CCDC172: variants seen among roughly 807,000 people sequenced by gnomAD.
The protein encoded by CCDC172 is coiled-coil domain containing 172.
Under a neutral mutation model 38.0 loss-of-function variants are expected in CCDC172, and 30 were observed. The observed-to-expected ratio is 0.79, with a 90% CI of 0.59 to 1.07. The LOEUF (loss-of-function observed/expected upper bound fraction) is 1.07. Ranked by LOEUF, CCDC172 falls within the 50% of genes least tolerant of loss-of-function variation. The pLI is 0.00. For synonymous variants in CCDC172, 78 were observed against 88.3 expected (o/e 0.88, Z 0.66); for missense variants, 297 against 290.1 (o/e 1.02, Z -0.17).
At chr10:116,377,405 G>A (rs2134975366) in intron 7 of CCDC172, among the ~76,000 whole-genome samples, 1 of 152,198 alleles carries the variant, frequency 6.6e-6, no homozygotes, top group East Asian at 1.9e-4. Flanking sequence ...TCAAATGACA[G>A]TCTCTCATAA....
In CCDC172 at chr10:116,342,073, A is replaced by AATTT. The variant is rs759582063; in HGVS notation, c.324_327dup (p.Lys110TyrfsTer2). On this transcript the variant is annotated frameshift_variant, in exon 5 of 9. Transcript: ENST00000333254. LOFTEE classifies it high-confidence loss of function. ...AAACAAATGATAGAGGAGGAAGACA[A>AATTT]ATTTATTAAGGAAATTACAGACTTT... 1.3e-6 allele frequency: 2 copies of AATTT among 1,534,912 alleles called. No individual in the cohort carries two copies. Among genetic ancestry groups the AATTT allele is most frequent in the East Asian group, 4.9e-5 (2 of 40,682 alleles).
intron 4 of CCDC172, 73 bp from the exon 5 acceptor site, chr10:116,341,963 A>G (rs899229584): frequency 1.0e-6 from 1 of 999,892 alleles, no homozygotes; most frequent in South Asian, 3.0e-5. Flanking sequence ...CCAAATTATT[A>G]TATTTTAAAT....
At chr10:116,345,952 C>T (rs1844860950) in intron 5 of CCDC172, among the ~76,000 whole-genome samples, 1 of 152,114 alleles carries the variant, frequency 6.6e-6, no homozygotes, top group African/African-American at 2.4e-5. Context: ...CAATGAGATA[C>T]TCCAGAGAGA....
chr10:116,354,417 G>C (rs1293601453), intron 5 of CCDC172, among the ~76,000 whole-genome samples: 2 of 152,068 alleles, frequency 1.3e-5, no homozygotes, highest in African/African-American at 4.8e-5. Flanking sequence ...AGAAGGCATT[G>C]TTATCATAGA....
intron 7 of CCDC172, among the ~76,000 whole-genome samples, chr10:116,374,917 A>G (rs1214582148): frequency 6.6e-6 from 1 of 151,858 alleles, no homozygotes; most frequent in Non-Finnish European, 1.5e-5. Context: ...AATGGAAAGC[A>G]ATATCCTGTA....
intron 4 of CCDC172, among the ~76,000 whole-genome samples, 167 bp from the exon 5 acceptor site, chr10:116,341,869 T>A (rs1844798982): frequency 6.6e-6 from 1 of 151,784 alleles, no homozygotes; most frequent in Non-Finnish European, 1.5e-5. Flanking sequence ...ATAGCTTCAG[T>A]TTTTTATTAA....
At chr10:116,350,046 T>G (rs1328263927) in intron 5 of CCDC172, among the ~76,000 whole-genome samples, 1 of 152,150 alleles carries the variant, frequency 6.6e-6, no homozygotes, top group Non-Finnish European at 1.5e-5. Context: ...CTAATCATTT[T>G]TTGAGAAAGA....
At chr10:116,352,143 G>A (rs561697359) in intron 5 of CCDC172, among the ~76,000 whole-genome samples, 5 of 152,220 alleles carry the variant, frequency 3.3e-5, no homozygotes, top group Non-Finnish European at 5.9e-5. Flanking sequence ...AAACAGAAGA[G>A]TTCTGCCTTA....
chr10:116,343,551 G>T (rs1446317614), intron 5 of CCDC172, among the ~76,000 whole-genome samples: 1 of 144,390 alleles, frequency 6.9e-6, no homozygotes, highest in Non-Finnish European at 1.5e-5. Flanking sequence ...ATATATAAAA[G>T]ATAGCTTGCA....
intron 7 of CCDC172, among the ~76,000 whole-genome samples, chr10:116,370,301 T>C (rs1376720894): frequency 1.3e-5 from 2 of 152,000 alleles, no homozygotes; most frequent in Non-Finnish European, 2.9e-5. Context: ...TATTGATGCT[T>C]TCACTTTGAC....
intron 6 of CCDC172, 127 bp downstream of exon 6, chr10:116,357,608 A>G: frequency 1.1e-6 from 1 of 910,714 alleles, no homozygotes; most frequent in Non-Finnish European, 1.6e-6. Flanking sequence ...ATAAAAAAGA[A>G]ATAGATAAAA....
At chr10:116,373,321 G>A (rs1030103267) in intron 7 of CCDC172, among the ~76,000 whole-genome samples, 2 of 151,920 alleles carry the variant, frequency 1.3e-5, no homozygotes, top group African/African-American at 4.8e-5. Context: ...AAACATAAAG[G>A]CCCCTTTTTC....
intron 3 of CCDC172, among the ~76,000 whole-genome samples, chr10:116,336,032 T>C (rs1452067071): frequency 6.6e-6 from 1 of 151,952 alleles, no homozygotes; most frequent in African/African-American, 2.4e-5. Context: ...CCAGGCATGA[T>C]GGTGTGCCCC....
chr10:116,342,347 G>C, intron 5 of CCDC172, 146 bp downstream of exon 5: 1 of 579,278 alleles, frequency 1.7e-6, no homozygotes, highest in Non-Finnish European at 2.9e-6. Flanking sequence ...TAATGAAGAT[G>C]TATCTTCTAT....
intron 3 of CCDC172, among the ~76,000 whole-genome samples, chr10:116,327,300 G>A (rs989821340): frequency 2.6e-5 from 4 of 151,940 alleles, no homozygotes; most frequent in African/African-American, 2.4e-5. Context: ...AACATTTTTC[G>A]TCATGACATT....
At position 116,379,970 on chromosome 10, in the gene CCDC172, A is replaced by G. The variant is rs962349547; in HGVS notation, c.*612A>G. 6.6e-6 allele frequency: 1 copy of G among 152,174 alleles called. No individual in the cohort carries two copies. The highest frequency in any genetic ancestry group is 1.5e-5 in the Non-Finnish European group (1 of 68,108). 9.4% of individuals were successfully genotyped at this position (152,174 alleles called of 1,614,324 possible). ...GGCCTCCCTAGAAGCAGAAGTCACT[A>G]TGCTTCCTGTACAGCCTGCAGAACC... On this transcript the variant is annotated 3_prime_UTR_variant, in exon 9 of 9. Transcript: ENST00000333254.
At chr10:116,368,243 T>A (rs1364440204) in intron 7 of CCDC172, among the ~76,000 whole-genome samples, 1 of 152,142 alleles carries the variant, frequency 6.6e-6, no homozygotes, top group Non-Finnish European at 1.5e-5. Flanking sequence ...TGATACCTTG[T>A]ACATATCCTT....
At chr10:116,337,512 G>T (rs2134915654) in intron 3 of CCDC172, among the ~76,000 whole-genome samples, 1 of 152,156 alleles carries the variant, frequency 6.6e-6, no homozygotes, top group Middle Eastern at 3.4e-3. Context: ...AGATAGAAAT[G>T]AAAAAGAGAA....
At chr10:116,336,671 C>T (rs889710689) in intron 3 of CCDC172, among the ~76,000 whole-genome samples, 4 of 151,834 alleles carry the variant, frequency 2.6e-5, no homozygotes, top group East Asian at 1.9e-4. Flanking sequence ...AAATTTTCTA[C>T]GTAACTCTTA....
Sources: gnomAD v4.1 joint callset for allele counts (sites outside exome capture counted in the v4.1 genomes callset) on GRCh38, gnomAD v4.1.1 for gene constraint, MANE v1.5 for transcripts, NCBI Gene and HGNC (gene_info 2026-07-23, HGNC 2026-07-21) for gene names.